FOXP1: variants seen among roughly 807,000 people sequenced by gnomAD.
FOXP1 encodes the protein forkhead box protein P1.
A neutral mutation model predicts 98.2 loss-of-function variants in FOXP1; 15 were observed. The ratio of observed to expected loss-of-function variants is 0.15; its 90% CI spans 0.10 to 0.24. The LOEUF is 0.24. FOXP1 is among the 10% of genes least tolerant of loss of function. The pLI, the probability that FOXP1 is intolerant of heterozygous loss-of-function variation, is 1.00. For missense variants in FOXP1, 633 were observed against 848.5 expected (o/e 0.75, Z 3.15); for synonymous variants, 371 against 314.5 (o/e 1.18, Z -1.90).
intron 3 of FOXP1, among the ~76,000 whole-genome samples, chr3:71,393,065 T>G (rs1460253047): frequency 6.6e-6 from 1 of 152,168 alleles, no homozygotes; most frequent in African/African-American, 2.4e-5. Flanking sequence ...AATTATAATA[T>G]GCCCAAGAAT....
chr3:71,522,777 C>T (rs1282559963), intron 2 of FOXP1, among the ~76,000 whole-genome samples: 2 of 152,142 alleles, frequency 1.3e-5, no homozygotes, highest in African/African-American at 4.8e-5. Context: ...GATGTTTGCA[C>T]ACAGAGAATG....
At chr3:71,359,701 T>G (rs1314177457) in intron 3 of FOXP1, among the ~76,000 whole-genome samples, 1 of 152,084 alleles carries the variant, frequency 6.6e-6, no homozygotes, top group East Asian at 1.9e-4. Context: ...CCAAATAATT[T>G]TGGAATTGTA....
chr3:71,203,194 G>A (rs570653038), intron 5 of FOXP1, among the ~76,000 whole-genome samples: 1 of 152,296 alleles, frequency 6.6e-6, no homozygotes, highest in South Asian at 2.1e-4. Flanking sequence ...TTTAAATCAC[G>A]TGATCCATTT....
At chr3:71,563,323 G>T (rs2046677746) in intron 2 of FOXP1, among the ~76,000 whole-genome samples, 2 of 152,134 alleles carry the variant, frequency 1.3e-5, no homozygotes, top group African/African-American at 4.8e-5. Flanking sequence ...ACAAAAAAGG[G>T]CACATGGAGA....
At chr3:71,442,004 C>T (rs184086825) in intron 3 of FOXP1, among the ~76,000 whole-genome samples, 4 of 152,322 alleles carry the variant, frequency 2.6e-5, no homozygotes, top group East Asian at 1.9e-4. Flanking sequence ...ACGTTCTTAA[C>T]GATATCTTCA....
intron 7 of FOXP1, among the ~76,000 whole-genome samples, chr3:71,085,248 T>A (rs562355276): frequency 1.3e-5 from 2 of 152,142 alleles, no homozygotes; most frequent in Admixed American, 1.3e-4. Context: ...GGTCAAGCAA[T>A]CCTCCCATGT....
At chr3:71,432,336 G>A (rs147291470) in intron 3 of FOXP1, among the ~76,000 whole-genome samples, 148 of 151,930 alleles carry the variant, frequency 9.7e-4, no homozygotes, top group African/African-American at 3.3e-3. Flanking sequence ...TCTCCTCCCC[G>A]GCCCTGCACA....
chr3:71,342,687 TAA>T (rs35486757), intron 4 of FOXP1, among the ~76,000 whole-genome samples: 1 of 145,844 alleles, frequency 6.9e-6, no homozygotes. Context: ...AGACTCCGTC[TAA>T]AAAAAAAAAA....
chr3:71,502,322 A>G (rs1171221401), intron 2 of FOXP1, among the ~76,000 whole-genome samples: 1 of 152,212 alleles, frequency 6.6e-6, no homozygotes, highest in East Asian at 1.9e-4. Flanking sequence ...GGTCAAGTGA[A>G]CAGAGAGCTG....
intron 3 of FOXP1, among the ~76,000 whole-genome samples, chr3:71,444,059 T>G (rs80190466): frequency 6.6e-6 from 1 of 152,228 alleles, no homozygotes; most frequent in Non-Finnish European, 1.5e-5. Flanking sequence ...CTATAGCTAC[T>G]GACTTTGCCT....
At chr3:71,239,485 A>G (rs1030263872) in intron 5 of FOXP1, among the ~76,000 whole-genome samples, 1 of 152,194 alleles carries the variant, frequency 6.6e-6, no homozygotes, top group Non-Finnish European at 1.5e-5. Flanking sequence ...CAGAGGTTGC[A>G]GTGAGCCGAG....
intron 11 of FOXP1, among the ~76,000 whole-genome samples, chr3:71,027,266 C>A (rs549209995): frequency 6.6e-6 from 1 of 152,244 alleles, no homozygotes; most frequent in African/African-American, 2.4e-5. Context: ...CGACCGTAAA[C>A]AAAGTTCCAA....
chr3:71,294,109 C>T (rs75208550), intron 5 of FOXP1, among the ~76,000 whole-genome samples: 3 of 151,978 alleles, frequency 2.0e-5, no homozygotes, highest in East Asian at 1.9e-4. Flanking sequence ...CAGGGGATGG[C>T]GGGAGGGCAG....
intron 3 of FOXP1, among the ~76,000 whole-genome samples, chr3:71,451,941 T>C (rs1467873084): frequency 1.3e-5 from 2 of 152,196 alleles, no homozygotes; most frequent in African/African-American, 2.4e-5. Context: ...CTAGTAATTC[T>C]ACAGGTAAAA....
chr3:71,391,771 T>C lies in FOXP1; in HGVS notation c.-167-32527A>G, dbSNP rs547112484. On this transcript the variant is annotated intron_variant, in intron 3 of 20. Coordinates refer to ENST00000649528, the MANE Select transcript of FOXP1 (RefSeq NM_001349338.3). ...GAATTCTCTAGAGCTTCCTGAATTA[T>C]ATTAAGAAAATTTCACTGCAGCAAT... 6.6e-5 allele frequency among the ~76,000 whole-genome samples: 10 copies of C among 152,348 alleles called. No individual in the cohort carries two copies. The East Asian group carries it at 1.5e-3, about 23-fold the overall frequency.
At chr3:71,175,041 T>C (rs922126000) in intron 6 of FOXP1, among the ~76,000 whole-genome samples, 1 of 151,910 alleles carries the variant, frequency 6.6e-6, no homozygotes, top group African/African-American at 2.4e-5. Context: ...GCCTCCCCAG[T>C]AGCTGGGATT....
intron 2 of FOXP1, among the ~76,000 whole-genome samples, chr3:71,501,773 C>T (rs1216530344): frequency 6.6e-6 from 1 of 152,196 alleles, no homozygotes; most frequent in Non-Finnish European, 1.5e-5. Flanking sequence ...CCAGTGCACA[C>T]AATCCACCTT....
intron 2 of FOXP1, among the ~76,000 whole-genome samples, chr3:71,505,449 C>A (rs188641756): frequency 3.7e-4 from 44 of 119,540 alleles, no homozygotes; most frequent in Admixed American, 6.6e-4. Context: ...GAGATGGAGT[C>A]TCACTCCGTC....
At chr3:71,528,425 T>C (rs2043567918) in intron 2 of FOXP1, among the ~76,000 whole-genome samples, 1 of 152,224 alleles carries the variant, frequency 6.6e-6, no homozygotes, top group Non-Finnish European at 1.5e-5. Context: ...ATCAAGAGAC[T>C]TGATTGACTT....
Sources: gnomAD v4.1 joint callset for allele counts (sites outside exome capture counted in the v4.1 genomes callset) on GRCh38, gnomAD v4.1.1 for gene constraint, MANE v1.5 for transcripts, NCBI Gene and HGNC (gene_info 2026-07-23, HGNC 2026-07-21) for gene names.